NSMCE2: variants seen among roughly 807,000 people sequenced by gnomAD.
NSMCE2 encodes the protein E3 SUMO-protein ligase NSE2.
A neutral mutation model predicts 23.8 loss-of-function variants in NSMCE2; 24 were observed. The observed-to-expected ratio is 1.01, with a 90% CI of 0.73 to 1.42. The LOEUF (loss-of-function observed/expected upper bound fraction) is 1.42. NSMCE2 is among the 40% of genes most tolerant of loss of function. The pLI is 0.00. For missense variants in NSMCE2, 284 were observed against 296.5 expected (o/e 0.96, Z 0.31); for synonymous variants, 92 against 94.1 (o/e 0.98, Z 0.13).
At chr8:125,102,246 T>G in intron 2 of NSMCE2, 71 bp from the exon 3 acceptor site, 2 of 1,002,424 alleles carry the variant, frequency 2.0e-6, no homozygotes, top group Non-Finnish European at 3.1e-6. Context: ...TTACAGCAGT[T>G]TTATTAATAT....
intron 5 of NSMCE2, among the ~76,000 whole-genome samples, chr8:125,234,517 A>C (rs1160128639): frequency 6.6e-6 from 1 of 152,194 alleles, no homozygotes; most frequent in African/African-American, 2.4e-5. Flanking sequence ...TAATCTCCCT[A>C]AAGTGTAACT....
intron 5 of NSMCE2, among the ~76,000 whole-genome samples, chr8:125,239,720 T>A (rs939243114): frequency 6.7e-6 from 1 of 149,158 alleles, no homozygotes; most frequent in East Asian, 1.9e-4. Flanking sequence ...AATAAATAAT[T>A]AATTAGAGGC....
intron 5 of NSMCE2, among the ~76,000 whole-genome samples, chr8:125,345,387 C>T (rs1299707844): frequency 6.6e-6 from 1 of 152,190 alleles, no homozygotes; most frequent in Non-Finnish European, 1.5e-5. Flanking sequence ...GTCTTCAAAA[C>T]AATCCTCTTC....
intron 5 of NSMCE2, among the ~76,000 whole-genome samples, chr8:125,342,044 C>G (rs980348197): frequency 5.3e-5 from 8 of 152,104 alleles, no homozygotes; most frequent in African/African-American, 1.9e-4. Flanking sequence ...GGGGAGACTC[C>G]TGGGGACCCC....
chr8:125,264,446 G>C (rs1016406148), intron 5 of NSMCE2, among the ~76,000 whole-genome samples: 5 of 152,094 alleles, frequency 3.3e-5, no homozygotes, highest in African/African-American at 1.2e-4. Flanking sequence ...TCTCTCTGTT[G>C]CCCAGGCTGG....
intron 5 of NSMCE2, among the ~76,000 whole-genome samples, chr8:125,322,769 TAA>T (rs754571420): frequency 7.2e-5 from 11 of 152,226 alleles, no homozygotes; most frequent in Non-Finnish European, 1.2e-4. Flanking sequence ...TTGAAGAATA[TAA>T]GACTAATTAA....
intron 5 of NSMCE2, among the ~76,000 whole-genome samples, chr8:125,203,279 C>G (rs1193722820): frequency 6.6e-6 from 1 of 151,018 alleles, no homozygotes; most frequent in Non-Finnish European, 1.5e-5. Context: ...TTTTTAGTAC[C>G]CTCATCTCCT....
chr8:125,276,848 G>A (rs546324113), intron 5 of NSMCE2, among the ~76,000 whole-genome samples: 2 of 152,286 alleles, frequency 1.3e-5, no homozygotes, highest in East Asian at 1.9e-4. Flanking sequence ...CCTGCCAAAT[G>A]CCATCTCTTC....
chr8:125,247,995 A>G (rs1490668748), intron 5 of NSMCE2, among the ~76,000 whole-genome samples: 2 of 152,224 alleles, frequency 1.3e-5, no homozygotes, highest in South Asian at 2.1e-4. Flanking sequence ...ATTTTGGTGT[A>G]TGTTAGATTT....
intron 5 of NSMCE2, among the ~76,000 whole-genome samples, chr8:125,193,662 G>A (rs1823467095): frequency 1.3e-5 from 2 of 152,256 alleles, no homozygotes; most frequent in South Asian, 4.1e-4. Context: ...AAGCATGCTT[G>A]GGAGGATATT....
intron 5 of NSMCE2, among the ~76,000 whole-genome samples, chr8:125,189,924 T>C (rs1464196391): frequency 6.6e-6 from 1 of 152,210 alleles, no homozygotes; most frequent in African/African-American, 2.4e-5. Context: ...TCAAACAAAT[T>C]GATGAAGTTT....
chr8:125,158,713 C>A (rs536189147), intron 4 of NSMCE2, among the ~76,000 whole-genome samples: 2 of 143,276 alleles, frequency 1.4e-5, no homozygotes, highest in African/African-American at 3.0e-5. Flanking sequence ...ATTTAACTTC[C>A]TTCCAACCTC....
chr8:125,152,696 G>A (rs912456115), intron 4 of NSMCE2, among the ~76,000 whole-genome samples: 44 of 152,138 alleles, frequency 2.9e-4, no homozygotes, highest in Admixed American at 9.8e-4. Flanking sequence ...GTCAAAGAAC[G>A]TTATGTTGAT....
intron 7 of NSMCE2, chr8:125,363,406 T>C (rs1339961242): frequency 1.3e-5 from 2 of 151,860 alleles, no homozygotes; most frequent in African/African-American, 4.8e-5. Flanking sequence ...CTCAGGAGGC[T>C]GAGGTGGGAG....
intron 5 of NSMCE2, among the ~76,000 whole-genome samples, chr8:125,355,699 C>CAAAA (rs140692089): frequency 4.3e-5 from 2 of 46,722 alleles, no homozygotes; most frequent in African/African-American, 8.1e-5. Context: ...GACTCCATCT[C>CAAAA]AAAAAAAAAA....
chr8:125,360,647 G>T (rs540370792), intron 7 of NSMCE2, among the ~76,000 whole-genome samples: 4 of 152,330 alleles, frequency 2.6e-5, no homozygotes, highest in Middle Eastern at 3.4e-3. Flanking sequence ...TGAAGGCCAG[G>T]TGCATTTGGG....
At chr8:125,269,346 A>G (rs1005067661) in intron 5 of NSMCE2, among the ~76,000 whole-genome samples, 2 of 152,160 alleles carry the variant, frequency 1.3e-5, no homozygotes, top group Non-Finnish European at 2.9e-5. Context: ...TCCGCCTCCC[A>G]AAGTGCTGGG....
intron 5 of NSMCE2, among the ~76,000 whole-genome samples, chr8:125,318,146 C>T (rs866725832): frequency 3.4e-4 from 51 of 152,202 alleles, no homozygotes; most frequent in Middle Eastern, 3.2e-3. Context: ...TAGTGGCACA[C>T]GCCTGTAATC....
intron 3 of NSMCE2, among the ~76,000 whole-genome samples, chr8:125,141,653 C>T (rs1049837341): frequency 7.9e-5 from 12 of 152,220 alleles, no homozygotes; most frequent in African/African-American, 2.9e-4. Context: ...CTTCTCCTCT[C>T]TTCATTCCCA....
Sources: allele counts gnomAD v4.1 joint callset (sites outside exome capture counted in the v4.1 genomes callset), GRCh38; gene constraint gnomAD v4.1.1; transcripts MANE v1.5; gene names NCBI Gene and HGNC (gene_info 2026-07-23, HGNC 2026-07-21).